The following MECOM variants were observed in gnomAD, a reference collection of about 807,000 sequenced individuals.
The protein encoded by MECOM is MDS1 and EVI1 complex locus, also known as histone-lysine N-methyltransferase MECOM.
In MECOM, 13 loss-of-function variants were observed where a neutral mutation model predicts 116.3. That is an observed-to-expected ratio of 0.11 (90% CI 0.07 to 0.18). The LOEUF (loss-of-function observed/expected upper bound fraction) is 0.18. Among genes scored for constraint, MECOM ranks in the 10% least tolerant of loss-of-function variants. MECOM has a pLI of 1.00. For synonymous variants in MECOM, 528 were observed against 535.2 expected (o/e 0.99, Z 0.19); for missense variants, 1,299 against 1,509.0 (o/e 0.86, Z 2.31).
At chr3:169,146,644 C>A (rs979524171) in intron 2 of MECOM, 35 of 1,362,462 alleles carry the variant, frequency 2.6e-5, no homozygotes, top group Non-Finnish European at 3.4e-5. Context: ...AAACGGTGCC[C>A]CGGCAGGAAA....
At chr3:169,570,476 C>A (rs1763755987) in intron 1 of MECOM, among the ~76,000 whole-genome samples, 2 of 152,146 alleles carry the variant, frequency 1.3e-5, no homozygotes, top group Admixed American at 1.3e-4. Flanking sequence ...GGACTCCTCC[C>A]TAACTCATTT....
chr3:169,333,915 T>C (rs182932749), intron 2 of MECOM, among the ~76,000 whole-genome samples: 5 of 138,392 alleles, frequency 3.6e-5, no homozygotes, highest in African/African-American at 1.1e-4. Flanking sequence ...CTCCCTCCCT[T>C]CCTTCCTTCT....
chr3:169,130,498 A>G (rs1301993956), intron 4 of MECOM, among the ~76,000 whole-genome samples: 1 of 149,822 alleles, frequency 6.7e-6, no homozygotes, highest in Admixed American at 6.7e-5. Flanking sequence ...TGCAAATACA[A>G]CTACTCTTGT....
intron 1 of MECOM, among the ~76,000 whole-genome samples, chr3:169,639,974 C>A (rs940281644): frequency 5.9e-5 from 9 of 152,120 alleles, no homozygotes; most frequent in Admixed American, 5.9e-4. Context: ...TTCCTCTGGG[C>A]CTTAGACTGC....
At chr3:169,145,189 C>CACACAG (rs1341161970) in intron 2 of MECOM, 4 of 103,042 alleles carry the variant, frequency 3.9e-5, no homozygotes, top group Non-Finnish European at 5.1e-5. Flanking sequence ...CACACACACA[C>CACACAG]AGAGAGAAAT....
intron 2 of MECOM, among the ~76,000 whole-genome samples, chr3:169,242,855 C>CA (rs1755059814): frequency 7.0e-6 from 1 of 142,446 alleles, no homozygotes. Flanking sequence ...AGACTGCTTG[C>CA]TTTTTTTTTT....
chr3:169,600,842 A>G (rs1767756617), intron 1 of MECOM, among the ~76,000 whole-genome samples: 1 of 152,216 alleles, frequency 6.6e-6, no homozygotes. Flanking sequence ...TGAATAAAGT[A>G]AAAAGACTAA....
At chr3:169,434,152 A>G (rs1742239862) in intron 1 of MECOM, among the ~76,000 whole-genome samples, 1 of 152,234 alleles carries the variant, frequency 6.6e-6, no homozygotes, top group South Asian at 2.1e-4. Flanking sequence ...TAAAAATTGT[A>G]TAAATAGATT....
In MECOM at chr3:169,471,131, A is replaced by G. The variant is rs969791809; in HGVS notation, c.38-89607T>C. On this transcript the variant is annotated intron_variant, in intron 1 of 16. Coordinates refer to ENST00000651503, the MANE Select transcript of MECOM (RefSeq NM_004991.4). ...CTCAGCCTCCAGGGTAGCTGGGACTATAGGCACGTGCCAGCATGCCCGTCT... is the reference window on the plus strand; with the variant it reads ...CTCAGCCTCCAGGGTAGCTGGGACTGTAGGCACGTGCCAGCATGCCCGTCT... 4.6e-5 allele frequency among the ~76,000 whole-genome samples: 7 copies of G among 151,884 alleles called. No individual in the cohort carries two copies. In the East Asian group the frequency reaches 1.2e-3, roughly 25 times the overall value.
intron 2 of MECOM, among the ~76,000 whole-genome samples, chr3:169,185,114 A>G (rs189269505): frequency 6.6e-6 from 1 of 152,318 alleles, no homozygotes; most frequent in East Asian, 1.9e-4. Flanking sequence ...GATATTAAGC[A>G]AGAGGGTAGA....
chr3:169,655,468 A>G (rs1394822527), intron 1 of MECOM, among the ~76,000 whole-genome samples: 1 of 152,220 alleles, frequency 6.6e-6, no homozygotes, highest in Non-Finnish European at 1.5e-5. Context: ...ATAACTAGAG[A>G]GTATGCAAAA....
chr3:169,110,850 C>T (rs1475484975), intron 9 of MECOM, among the ~76,000 whole-genome samples: 1 of 152,144 alleles, frequency 6.6e-6, no homozygotes, highest in Non-Finnish European at 1.5e-5. Context: ...AGGAGGGAAT[C>T]ACTGCCACTG....
rs750091096 is a variant in MECOM, at chr3:169,146,601, G to A, written c.376-2769C>T. 73 of 1,371,790 alleles carry A rather than the reference G, an allele frequency of 5.3e-5. No homozygotes were observed. The Admixed American group carries it at 1.3e-3, about 25-fold the overall frequency. 85.0% of individuals were successfully genotyped at this position (1,371,790 alleles called of 1,614,324 possible). ...GGCTCCGCGAGACTGCGGGCGAGGA[G>A]GAAAGAAGGCTGGGGGCGGGGGGCG... On this transcript the variant is annotated intron_variant, in intron 2 of 16. Coordinates refer to ENST00000651503, the MANE Select transcript of MECOM (RefSeq NM_004991.4).
chr3:169,104,648 C>A (rs1419205470), intron 10 of MECOM, among the ~76,000 whole-genome samples: 2 of 152,144 alleles, frequency 1.3e-5, no homozygotes, highest in Non-Finnish European at 2.9e-5. Flanking sequence ...CAGACTCCTG[C>A]AACAAAACAT....
At chr3:169,190,448 T>C (rs1275899603) in intron 2 of MECOM, among the ~76,000 whole-genome samples, 1 of 152,044 alleles carries the variant, frequency 6.6e-6, no homozygotes, top group Non-Finnish European at 1.5e-5. Flanking sequence ...AGTGCCACTC[T>C]TGATGGACAA....
intron 16 of MECOM, among the ~76,000 whole-genome samples, chr3:169,087,366 G>A (rs547007202): frequency 7.9e-5 from 12 of 152,288 alleles, no homozygotes; most frequent in African/African-American, 2.6e-4. Flanking sequence ...GGAGGCTGAG[G>A]TGGGAGGATT....
At chr3:169,190,629 A>G (rs1014780717) in intron 2 of MECOM, among the ~76,000 whole-genome samples, 1 of 152,076 alleles carries the variant, frequency 6.6e-6, no homozygotes, top group Non-Finnish European at 1.5e-5. Flanking sequence ...TGGCTTGTCC[A>G]AAGTCACACA....
At chr3:169,526,998 G>A (rs894197708) in intron 1 of MECOM, among the ~76,000 whole-genome samples, 27 of 152,326 alleles carry the variant, frequency 1.8e-4, no homozygotes, top group Admixed American at 1.6e-3. Context: ...ATTAAAAAGA[G>A]ACGAGTTTCG....
chr3:169,469,113 A>AGT lies in MECOM; in HGVS notation c.38-87590_38-87589insAC, dbSNP rs1247808061. Among the ~76,000 whole-genome samples the AGT allele has an allele frequency of 7.6e-3, 1,158 of 152,300 alleles. 8 individuals carry two copies. The highest frequency in any genetic ancestry group is 0.027 in the African/African-American group (1,104 of 41,550). The stretch of plus-strand genomic sequence containing the variant: ...TCTAGTCAAATTCCATAAGGGGAGG[A>AGT]GCCAGATTATAACAGAAGTGCACTG... On this transcript the variant is annotated intron_variant, in intron 1 of 16. Coordinates refer to ENST00000651503, the MANE Select transcript of MECOM (RefSeq NM_004991.4).
Sources: gnomAD v4.1 joint callset for allele counts (sites outside exome capture counted in the v4.1 genomes callset) on GRCh38, gnomAD v4.1.1 for gene constraint, MANE v1.5 for transcripts, NCBI Gene and HGNC (gene_info 2026-07-23, HGNC 2026-07-21) for gene names.